Variants in RAD51B observed in about 807,000 individuals in gnomAD.
RAD51B encodes the protein RAD51 paralog B, also known as DNA repair protein RAD51 homolog 2.
A neutral mutation model predicts 42.2 loss-of-function variants in RAD51B; 38 were observed. That is an observed-to-expected ratio of 0.90 (90% CI 0.70 to 1.18). The LOEUF (loss-of-function observed/expected upper bound fraction) is 1.18. Among genes scored for constraint, RAD51B ranks in the 50% most tolerant of loss-of-function variants. The pLI, the probability that RAD51B is intolerant of heterozygous loss-of-function variation, is 0.00. For missense variants in RAD51B, 373 were observed against 400.7 expected (o/e 0.93, Z 0.59); for synonymous variants, 154 against 145.2 (o/e 1.06, Z -0.43).
intron 7 of RAD51B, among the ~76,000 whole-genome samples, chr14:68,191,964 A>G (rs1373861320): frequency 6.6e-6 from 1 of 152,204 alleles, no homozygotes; most frequent in Non-Finnish European, 1.5e-5. Flanking sequence ...TGATATACTC[A>G]GATACACTCA....
At chr14:68,344,806 G>C (rs991908672) in intron 8 of RAD51B, among the ~76,000 whole-genome samples, 3 of 150,222 alleles carry the variant, frequency 2.0e-5, no homozygotes, top group Non-Finnish European at 4.4e-5. Flanking sequence ...AACTAGCCAG[G>C]CATGGTGGCG....
intron 10 of RAD51B, among the ~76,000 whole-genome samples, chr14:68,633,930 C>A (rs1345403434): frequency 1.3e-5 from 2 of 152,218 alleles, no homozygotes; most frequent in Non-Finnish European, 2.9e-5. Flanking sequence ...AGCAACTGCC[C>A]AAGTTACCTT....
chr14:68,540,247 T>G, intron 10 of RAD51B: 1 of 1,023,490 alleles, frequency 9.8e-7, no homozygotes, highest in Non-Finnish European at 1.2e-6. Flanking sequence ...TAGGATCGTC[T>G]GAGTTCCTTG....
intron 4 of RAD51B, among the ~76,000 whole-genome samples, chr14:67,846,492 G>T (rs10135927): frequency 1.3e-5 from 2 of 151,954 alleles, no homozygotes; most frequent in Non-Finnish European, 2.9e-5. Flanking sequence ...AGGTGGGGGC[G>T]TGGCCGAGTG....
chr14:68,267,623 G>C (rs1359772677), intron 7 of RAD51B, among the ~76,000 whole-genome samples: 1 of 152,140 alleles, frequency 6.6e-6, no homozygotes, highest in African/African-American at 2.4e-5. Flanking sequence ...TATGTATAGA[G>C]ACCCTTGAAG....
intron 8 of RAD51B, among the ~76,000 whole-genome samples, chr14:68,396,606 A>G (rs1008528785): frequency 6.6e-6 from 1 of 152,206 alleles, no homozygotes; most frequent in Non-Finnish European, 1.5e-5. Context: ...GATTTTGGCA[A>G]CTGGGATCAC....
At chr14:68,630,360 G>A (rs1055945767) in intron 10 of RAD51B, among the ~76,000 whole-genome samples, 2 of 151,886 alleles carry the variant, frequency 1.3e-5, no homozygotes, top group African/African-American at 4.8e-5. Flanking sequence ...ACAGCAGCCC[G>A]CTCTTTCTCC....
intron 5 of RAD51B, among the ~76,000 whole-genome samples, chr14:67,882,409 G>C (rs1053867639): frequency 6.6e-6 from 1 of 152,098 alleles, no homozygotes; most frequent in Non-Finnish European, 1.5e-5. Context: ...TCAGTCCTAG[G>C]ACCTTTTCTC....
intron 7 of RAD51B, among the ~76,000 whole-genome samples, chr14:68,100,672 C>T (rs1284897588): frequency 6.6e-6 from 1 of 152,116 alleles, no homozygotes; most frequent in Non-Finnish European, 1.5e-5. Context: ...GCTTGACTTA[C>T]CTCAAAGGGG....
intron 4 of RAD51B, among the ~76,000 whole-genome samples, chr14:67,842,388 T>C (rs2140310940): frequency 6.6e-6 from 1 of 152,314 alleles, no homozygotes; most frequent in South Asian, 2.1e-4. Flanking sequence ...TTTATTTCTT[T>C]CCCTTTTTGA....
intron 4 of RAD51B, among the ~76,000 whole-genome samples, chr14:67,839,917 G>T (rs1013245430): frequency 1.3e-5 from 2 of 151,870 alleles, no homozygotes; most frequent in African/African-American, 4.8e-5. Flanking sequence ...TTTGACTCAT[G>T]TATCATTTGG....
intron 7 of RAD51B, among the ~76,000 whole-genome samples, chr14:68,159,057 T>G (rs2078578857): frequency 6.6e-6 from 1 of 152,152 alleles, no homozygotes; most frequent in African/African-American, 2.4e-5. Context: ...CTTCATTGTA[T>G]AAACAGGGAA....
intron 7 of RAD51B, among the ~76,000 whole-genome samples, chr14:68,134,341 T>G (rs946712974): frequency 6.6e-6 from 1 of 152,232 alleles, no homozygotes. Context: ...TGTTTAACTA[T>G]TCACCCTTTT....
chr14:68,156,404 A>T (rs527243450), intron 7 of RAD51B, among the ~76,000 whole-genome samples: 2 of 150,710 alleles, frequency 1.3e-5, no homozygotes, highest in East Asian at 3.9e-4. Context: ...TTATCTACTT[A>T]CCAGCTTTTA....
chr14:67,910,295 T>TAAATAAAAATAATGTTTCA (rs1555414181), intron 7 of RAD51B, among the ~76,000 whole-genome samples: 9 of 134,242 alleles, frequency 6.7e-5, no homozygotes, highest in East Asian at 4.0e-4. Flanking sequence ...TATAAATATT[T>TAAATAAAAATAATGTTTCA]CTCGGGAGGC....
chr14:68,038,616 A>C (rs2076170035), intron 7 of RAD51B, among the ~76,000 whole-genome samples: 1 of 152,212 alleles, frequency 6.6e-6, no homozygotes. Context: ...AAAATTTATC[A>C]CATTTATGCA....
At chr14:68,014,186 T>C (rs2075735190) in intron 7 of RAD51B, among the ~76,000 whole-genome samples, 1 of 146,050 alleles carries the variant, frequency 6.8e-6, no homozygotes, top group African/African-American at 2.7e-5. Flanking sequence ...CTCCCTCTCC[T>C]TTTCTTTTCT....
intron 7 of RAD51B, among the ~76,000 whole-genome samples, chr14:68,211,216 C>T (rs558506552): frequency 1.3e-5 from 2 of 152,276 alleles, no homozygotes; most frequent in Non-Finnish European, 2.9e-5. Context: ...GTGACCCTTT[C>T]CCCTCCCCAC....
At chr14:68,459,979 C>G (rs1594870073) in intron 9 of RAD51B, among the ~76,000 whole-genome samples, 1 of 152,158 alleles carries the variant, frequency 6.6e-6, no homozygotes. Flanking sequence ...TACAGGAAGC[C>G]TTCCTGGCAC....
Sources: allele counts gnomAD v4.1 joint callset (sites outside exome capture counted in the v4.1 genomes callset), GRCh38; gene constraint gnomAD v4.1.1; transcripts MANE v1.5; gene names NCBI Gene and HGNC (gene_info 2026-07-23, HGNC 2026-07-21).